CACNA1C: variants seen among roughly 807,000 people sequenced by gnomAD.
The protein encoded by CACNA1C is voltage-dependent L-type calcium channel subunit alpha-1C.
In CACNA1C, 30 loss-of-function variants were observed where a neutral mutation model predicts 229.0. The observed-to-expected ratio is 0.13, with a 90% confidence interval of 0.10 to 0.18. CACNA1C has a LOEUF of 0.18. CACNA1C is among the 10% of genes least tolerant of loss of function. The pLI, the probability that CACNA1C is intolerant of heterozygous loss-of-function variation, is 1.00. For missense variants in CACNA1C, 1,658 were observed against 2,845.0 expected, an observed-to-expected ratio of 0.58 and a Z score of 9.49; for synonymous variants, 1,114 against 1,132.5, an observed-to-expected ratio of 0.98 and a Z score of 0.33.
chr12:2,506,694 C>T (rs1278733655), intron 8 of CACNA1C, among the ~76,000 whole-genome samples: 1 of 152,180 alleles, frequency 6.6e-6, no homozygotes, highest in African/African-American at 2.4e-5. Flanking sequence ...ACGTCACTTC[C>T]CTGGTAAGTA....
intron 3 of CACNA1C, among the ~76,000 whole-genome samples, chr12:2,382,691 A>G (rs1422874718): frequency 1.3e-5 from 2 of 152,192 alleles, no homozygotes; most frequent in Non-Finnish European, 2.9e-5. Context: ...CATATATCCC[A>G]TAAGCAAATG....
At chr12:2,513,919 A>G (rs1479667784) in intron 9 of CACNA1C, among the ~76,000 whole-genome samples, 1 of 152,026 alleles carries the variant, frequency 6.6e-6, no homozygotes, top group Admixed American at 6.5e-5. Context: ...CACTCTCTAT[A>G]TCTCATTTGG....
chr12:2,663,710 TA>T (rs141220059), intron 34 of CACNA1C, among the ~76,000 whole-genome samples: 2,920 of 149,448 alleles, frequency 0.02, 84 homozygotes, highest in African/African-American at 0.068. Flanking sequence ...TTGGAAATTT[TA>T]AAAAAGAATA....
chr12:2,339,649 T>G (rs2096801373), intron 3 of CACNA1C, among the ~76,000 whole-genome samples: 1 of 152,242 alleles, frequency 6.6e-6, no homozygotes, highest in African/African-American at 2.4e-5. Flanking sequence ...CTTTGTAAAT[T>G]TTTTGTTAAG....
intron 4 of CACNA1C, among the ~76,000 whole-genome samples, chr12:2,451,354 C>T (rs2099366788): frequency 6.6e-6 from 1 of 152,154 alleles, no homozygotes; most frequent in African/African-American, 2.4e-5. Context: ...GTCTTTTGCA[C>T]ATGCATAGAA....
chr12:2,266,498 G>C (rs2154409813), intron 3 of CACNA1C, among the ~76,000 whole-genome samples: 1 of 152,356 alleles, frequency 6.6e-6, no homozygotes, highest in East Asian at 1.9e-4. Context: ...GTCACTGCCA[G>C]GGCTGGCATG....
At position 2,597,607 on chromosome 12, in the gene CACNA1C, C is replaced by T; in HGVS notation, c.2853+318C>T. The T allele has an allele frequency of 1.2e-6, 1 of 814,178 alleles. No homozygotes were observed. The allele number at this position is 814,178 out of a possible 1,614,324, so 50.4% of individuals were successfully genotyped here. ...CTTTCACTCTCTCTTTTCTTTACTC[C>T]CAAGCCTGAAATTGGAAAAATGAGT... is the stretch of plus-strand genomic sequence containing the variant. On this transcript the variant is annotated intron_variant, in intron 21 of 46. Coordinates refer to ENST00000399655, the MANE Select transcript of CACNA1C (RefSeq NM_000719.7). This position sits in a 1 kb window ranked among gnomAD's most constrained non-coding sequence, Gnocchi z 4.3.
intron 3 of CACNA1C, among the ~76,000 whole-genome samples, chr12:2,362,696 A>T (rs368385710): frequency 3.3e-5 from 5 of 152,224 alleles, no homozygotes; most frequent in Admixed American, 2.0e-4. Context: ...TACAGTTAAG[A>T]ATATTTTTTT....
At position 2,277,386 on chromosome 12, in the gene CACNA1C, C is replaced by G. The variant is rs866755770; in HGVS notation, c.477+156956C>G. Among the ~76,000 whole-genome samples, 543 of 132,324 alleles carry G rather than the reference C, an allele frequency of 4.1e-3. 1 individual carries two copies. Among genetic ancestry groups the G allele is most frequent in the Middle Eastern group, 0.016 (4 of 248 alleles). The allele number at this position is 132,324 out of a possible 152,430, so 86.8% of individuals were successfully genotyped here. The stretch of plus-strand genomic sequence containing the variant: ...AGACACACACACACACACACACACA[C>G]ACACACACACACACACACACACACA... On this transcript the variant is annotated intron_variant, in intron 3 of 46. Coordinates refer to ENST00000399655, the MANE Select transcript of CACNA1C (RefSeq NM_000719.7).
chr12:2,415,555 C>T (rs942063603), intron 3 of CACNA1C, among the ~76,000 whole-genome samples: 1 of 152,124 alleles, frequency 6.6e-6, no homozygotes, highest in East Asian at 1.9e-4. Flanking sequence ...GGAATAACAC[C>T]ACCGTCCCAA....
At chr12:2,129,690 A>G (rs1277685531) in intron 3 of CACNA1C, among the ~76,000 whole-genome samples, 1 of 152,194 alleles carries the variant, frequency 6.6e-6, no homozygotes, top group Admixed American at 6.5e-5. Flanking sequence ...AATTTCAATG[A>G]TTGCACCTGT....
Position 2,633,813 on chromosome 12 carries a change from T to G in CACNA1C, c.3829-484T>G, listed in dbSNP as rs1276775446. 2.8e-6 allele frequency: 2 copies of G among 711,486 alleles called. No individual in the cohort carries two copies. Among genetic ancestry groups the G allele is most frequent in the East Asian group, 2.8e-5 (1 of 35,804 alleles). The allele number at this position is 711,486 out of a possible 1,614,324, so 44.1% of individuals were successfully genotyped here. ...CTCTCTCTGTTTACCTTCTTTTATGTTTTTTTTAATTTCCTGTTTTTACCC... is the reference window on the plus strand; with the variant it reads ...CTCTCTCTGTTTACCTTCTTTTATGGTTTTTTTAATTTCCTGTTTTTACCC... On this transcript the variant is annotated intron_variant, in intron 29 of 46. Transcript: ENST00000399655. The surrounding 1 kb of genome is among the most constrained non-coding windows in gnomAD (Gnocchi z 5.8).
chr12:2,438,057 G>A (rs995088572), intron 3 of CACNA1C, among the ~76,000 whole-genome samples: 1 of 125,096 alleles, frequency 8.0e-6, no homozygotes, highest in East Asian at 2.4e-4. Context: ...GGTAATGATG[G>A]TGGTGATGAT....
intron 3 of CACNA1C, among the ~76,000 whole-genome samples, chr12:2,261,433 A>G (rs116682960): frequency 0.057 from 8,713 of 152,328 alleles, 324 homozygotes; most frequent in African/African-American, 0.093. Context: ...ATGGTATCAC[A>G]TCATGTAGGC....
rs899325535 is a variant in CACNA1C, at chr12:2,281,859, A to T, written c.477+161429A>T. On this transcript the variant is annotated intron_variant, in intron 3 of 46. Coordinates refer to ENST00000399655, the MANE Select transcript of CACNA1C (RefSeq NM_000719.7). Reference sequence around the variant, plus strand: ...ATTGATAAATTTCTGGCTATTATTTATAATTTTTTTTTTGCTTCTCCCCCC... The same window carrying T: ...ATTGATAAATTTCTGGCTATTATTTTTAATTTTTTTTTTGCTTCTCCCCCC... Among the ~76,000 whole-genome samples the T allele has an allele frequency of 1.1e-4, 16 of 152,140 alleles. No individual in the cohort carries two copies. The East Asian group carries it at 2.9e-3, about 28-fold the overall frequency.
intron 3 of CACNA1C, among the ~76,000 whole-genome samples, chr12:2,260,564 A>G (rs2079736810): frequency 6.6e-6 from 1 of 152,062 alleles, no homozygotes; most frequent in Admixed American, 6.5e-5. Context: ...CAGATTGCTC[A>G]ACCCCATGGA....
chr12:2,627,203 CAGA>C (rs1400260188), intron 29 of CACNA1C, among the ~76,000 whole-genome samples: 1 of 152,168 alleles, frequency 6.6e-6, no homozygotes, highest in African/African-American at 2.4e-5. Context: ...TGGGAGCTGA[CAGA>C]GGAGGGCAGA....
intron 3 of CACNA1C, among the ~76,000 whole-genome samples, chr12:2,381,044 C>A (rs575079505): frequency 2.1e-4 from 32 of 152,204 alleles, no homozygotes; most frequent in Non-Finnish European, 4.0e-4. Flanking sequence ...AAGGTCTCCA[C>A]GTCCATGGCC....
chr12:2,612,236 G>A, intron 29 of CACNA1C: 1 of 509,994 alleles, frequency 2.0e-6, no homozygotes, highest in South Asian at 2.8e-5. Flanking sequence ...ACCCTGGCTG[G>A]CATGCACAAG....
Sources: gnomAD v4.1 joint callset for allele counts (sites outside exome capture counted in the v4.1 genomes callset) on GRCh38, gnomAD v4.1.1 for gene constraint, Gnocchi (gnomAD v3.1) non-coding constraint, MANE v1.5 for transcripts, NCBI Gene and HGNC (gene_info 2026-07-23, HGNC 2026-07-21) for gene names.